ITPR2: variants seen among roughly 807,000 people sequenced by gnomAD.
ITPR2 encodes inositol 1,4,5-trisphosphate receptor type 2.
In ITPR2, 207 loss-of-function variants were observed where a neutral mutation model predicts 317.1. The observed-to-expected ratio is 0.65, with a 90% CI of 0.58 to 0.73. The LOEUF (loss-of-function observed/expected upper bound fraction) is 0.73, where lower values mean the gene tolerates loss of function less well. Ranked by LOEUF, ITPR2 falls within the 30% of genes least tolerant of loss-of-function variation. The pLI is 0.00. For synonymous variants in ITPR2, 1,156 were observed against 1,149.1 expected, an observed-to-expected ratio of 1.01 and a Z score of -0.12; for missense variants, 2,613 against 3,284.0, an observed-to-expected ratio of 0.80 and a Z score of 4.99.
Position 26,374,185 on chromosome 12 carries a change from G to A in ITPR2, c.7857+13249C>T, listed in dbSNP as rs1409247208. 2.6e-5 allele frequency among the ~76,000 whole-genome samples: 4 copies of A among 152,314 alleles called. No homozygotes were observed. The East Asian group carries it at 7.7e-4, about 29-fold the overall frequency. On this transcript the variant is annotated intron_variant, in intron 55 of 56. Transcript: ENST00000381340. ...ATATTTATGGAAGCTCCCAACTTTT[G>A]GTTAGACAAAGGAACAAATGCCAAA...
At chr12:26,539,544 G>A (rs988575599) in intron 37 of ITPR2, among the ~76,000 whole-genome samples, 1 of 152,150 alleles carries the variant, frequency 6.6e-6, no homozygotes, top group Non-Finnish European at 1.5e-5. Flanking sequence ...TGGGACAGAA[G>A]CCCCATGGCT....
intron 11 of ITPR2, among the ~76,000 whole-genome samples, chr12:26,683,828 T>C (rs921857018): frequency 2.0e-5 from 3 of 152,240 alleles, no homozygotes; most frequent in Non-Finnish European, 4.4e-5. Context: ...TTATAATCTT[T>C]TGTTATTTCT....
At chr12:26,725,838 G>A in intron 2 of ITPR2, 73 bp from the exon 3 acceptor site, 1 of 987,046 alleles carries the variant, frequency 1.0e-6, no homozygotes, top group South Asian at 1.4e-5. Context: ...TTATAGCTCA[G>A]CTTTTGAATC....
chr12:26,507,849 T>TTCTCTC (rs765290686), intron 37 of ITPR2, among the ~76,000 whole-genome samples: 10 of 115,426 alleles, frequency 8.7e-5, no homozygotes, highest in African/African-American at 2.2e-4. Context: ...CTCTCTACTC[T>TTCTCTC]TCTCTCTCTG....
chr12:26,365,693 C>A (rs375565415), intron 55 of ITPR2, among the ~76,000 whole-genome samples: 1 of 152,072 alleles, frequency 6.6e-6, no homozygotes, highest in Non-Finnish European at 1.5e-5. Flanking sequence ...AATTAAAAGG[C>A]AAATCTATCA....
intron 11 of ITPR2, among the ~76,000 whole-genome samples, chr12:26,684,606 G>A (rs150313403): frequency 6.4e-4 from 97 of 152,284 alleles, no homozygotes; most frequent in African/African-American, 2.3e-3. Flanking sequence ...TACAATTAAT[G>A]ACAGATGAAT....
intron 13 of ITPR2, 84 bp from the exon 14 acceptor site, chr12:26,666,135 G>GATAGATAGATAGATAGATAGAT: frequency 2.4e-6 from 1 of 411,772 alleles, no homozygotes; most frequent in Non-Finnish European, 4.1e-6. Context: ...TAGGTAGGTA[G>GATAGATAGATAGATAGATAGAT]AGATAGATAG....
intron 55 of ITPR2, among the ~76,000 whole-genome samples, chr12:26,348,518 C>A (rs1429736689): frequency 6.6e-6 from 1 of 152,160 alleles, no homozygotes; most frequent in Non-Finnish European, 1.5e-5. Context: ...CTAGTGAACA[C>A]CCACCTATAT....
At chr12:26,774,010 T>G (rs67982507) in intron 2 of ITPR2, among the ~76,000 whole-genome samples, 2 of 112,112 alleles carry the variant, frequency 1.8e-5, no homozygotes, top group Admixed American at 1.0e-4. Context: ...TTTTTTTTTT[T>G]AGTATAAAGC....
chr12:26,360,286 C>CG (rs1938785766), intron 55 of ITPR2, among the ~76,000 whole-genome samples: 1 of 152,240 alleles, frequency 6.6e-6, no homozygotes, highest in South Asian at 2.1e-4. Context: ...TTTCTCTTAC[C>CG]GGGGGGCTCA....
intron 1 of ITPR2, among the ~76,000 whole-genome samples, chr12:26,821,750 G>T (rs1592161095): frequency 6.6e-6 from 1 of 152,226 alleles, no homozygotes; most frequent in African/African-American, 2.4e-5. Context: ...CAAATAGTAA[G>T]AATGAGGATA....
intron 2 of ITPR2, among the ~76,000 whole-genome samples, chr12:26,763,833 A>G (rs1949676593): frequency 6.6e-6 from 1 of 152,142 alleles, no homozygotes; most frequent in African/African-American, 2.4e-5. Flanking sequence ...AAAATACCTA[A>G]AGCCAGATCT....
intron 45 of ITPR2, among the ~76,000 whole-genome samples, chr12:26,452,856 CTT>C (rs1397899720): frequency 6.6e-6 from 1 of 152,062 alleles, no homozygotes; most frequent in Non-Finnish European, 1.5e-5. Context: ...AATCTCTTGT[CTT>C]TATTAATTAC....
intron 9 of ITPR2, among the ~76,000 whole-genome samples, 170 bp from the exon 10 acceptor site, chr12:26,695,820 C>T (rs866957211): frequency 1.3e-5 from 2 of 152,126 alleles, no homozygotes; most frequent in South Asian, 2.1e-4. Flanking sequence ...CCATCAAACC[C>T]TAGTTGCAGG....
chr12:26,674,098 A>G (rs1565683396), intron 13 of ITPR2, among the ~76,000 whole-genome samples: 2 of 141,840 alleles, frequency 1.4e-5, no homozygotes, highest in Non-Finnish European at 3.1e-5. Flanking sequence ...AAGAATCAAT[A>G]TCGTGAAAAT....
At chr12:26,478,425 AG>A (rs1434257968) in intron 43 of ITPR2, among the ~76,000 whole-genome samples, 2 of 152,118 alleles carry the variant, frequency 1.3e-5, no homozygotes, top group Admixed American at 1.3e-4. Flanking sequence ...CTTAAATCCT[AG>A]GAGTAATCTG....
At chr12:26,607,486 T>C (rs1328373764) in intron 26 of ITPR2, among the ~76,000 whole-genome samples, 1 of 152,194 alleles carries the variant, frequency 6.6e-6, no homozygotes, top group Admixed American at 6.5e-5. Context: ...CATCATGTAC[T>C]AGTCATTTAG....
chr12:26,745,682 C>T (rs568020076), intron 2 of ITPR2, among the ~76,000 whole-genome samples: 1 of 152,266 alleles, frequency 6.6e-6, no homozygotes, highest in African/African-American at 2.4e-5. Flanking sequence ...TTCAGAGAGA[C>T]AGAGAGACAG....
rs147233916 is a variant in ITPR2 at position 26,497,041 on chromosome 12, T to G, written c.5074-1781A>C. ...GCCCCCACCCCAACTTGATAATGATTTGAAATGTCAAATGACATGAAATCC... is the reference window on the plus strand; with the variant it reads ...GCCCCCACCCCAACTTGATAATGATGTGAAATGTCAAATGACATGAAATCC... On this transcript the variant is annotated intron_variant, in intron 37 of 56. Transcript: ENST00000381340. Among the ~76,000 whole-genome samples, 592 of 151,678 alleles carry G rather than the reference T, an allele frequency of 3.9e-3. 3 individuals carry two copies. The highest frequency in any genetic ancestry group is 0.014 in the African/African-American group (566 of 41,304).
Sources: allele counts gnomAD v4.1 joint callset (sites outside exome capture counted in the v4.1 genomes callset), GRCh38; gene constraint gnomAD v4.1.1; transcripts MANE v1.5; gene names NCBI Gene and HGNC (gene_info 2026-07-23, HGNC 2026-07-21).